ZCCHC7: variants seen among roughly 807,000 people sequenced by gnomAD.
ZCCHC7 encodes the protein zinc finger CCHC domain-containing protein 7.
Under a neutral mutation model 52.0 loss-of-function variants are expected in ZCCHC7, and 35 were observed. The ratio of observed to expected loss-of-function variants is 0.67; its 90% CI spans 0.51 to 0.89. ZCCHC7 has a LOEUF of 0.89. Among genes scored for constraint, ZCCHC7 ranks in the 40% least tolerant of loss-of-function variants. ZCCHC7 has a pLI of 0.00. For missense variants in ZCCHC7, 574 were observed against 649.1 expected, an observed-to-expected ratio of 0.88 and a Z score of 1.26; for synonymous variants, 217 against 221.5, an observed-to-expected ratio of 0.98 and a Z score of 0.18.
chr9:37,230,343 TAAA>T (rs1345205707), intron 2 of ZCCHC7, among the ~76,000 whole-genome samples: 4 of 152,194 alleles, frequency 2.6e-5, no homozygotes, highest in Non-Finnish European at 5.9e-5. Context: ...AATGCATTGT[TAAA>T]ACATAACAGT....
At chr9:37,142,611 A>G (rs1289745685) in intron 2 of ZCCHC7, among the ~76,000 whole-genome samples, 1 of 151,838 alleles carries the variant, frequency 6.6e-6, no homozygotes, top group Non-Finnish European at 1.5e-5. Context: ...AACTAAGAAG[A>G]AAATGTATCC....
intron 2 of ZCCHC7, among the ~76,000 whole-genome samples, chr9:37,261,032 G>C (rs895574672): frequency 2.6e-5 from 4 of 152,022 alleles, no homozygotes; most frequent in Non-Finnish European, 4.4e-5. Flanking sequence ...TTATTATTTA[G>C]CTCTCACCAC....
intron 6 of ZCCHC7, among the ~76,000 whole-genome samples, chr9:37,336,904 C>T (rs555762035): frequency 6.6e-6 from 1 of 152,124 alleles, no homozygotes; most frequent in East Asian, 1.9e-4. Flanking sequence ...CTTTGTAAAC[C>T]AAGCCATTTG....
chr9:37,222,433 G>T (rs1824875981), intron 2 of ZCCHC7, among the ~76,000 whole-genome samples: 1 of 150,592 alleles, frequency 6.6e-6, no homozygotes, highest in South Asian at 2.1e-4. Flanking sequence ...TTTAATTTGG[G>T]GAAAGGATGG....
intron 2 of ZCCHC7, among the ~76,000 whole-genome samples, chr9:37,145,241 C>T (rs1017473159): frequency 2.0e-5 from 3 of 151,588 alleles, no homozygotes; most frequent in African/African-American, 7.3e-5. Context: ...ATATGTAGAC[C>T]TTGATTAAAA....
intron 6 of ZCCHC7, among the ~76,000 whole-genome samples, chr9:37,335,183 A>G (rs1218220380): frequency 6.6e-6 from 1 of 152,144 alleles, no homozygotes; most frequent in Admixed American, 6.6e-5. Context: ...TTTATACAAT[A>G]TCAATTTTGT....
At chr9:37,319,963 T>C (rs1829986235) in intron 5 of ZCCHC7, among the ~76,000 whole-genome samples, 2 of 152,256 alleles carry the variant, frequency 1.3e-5, no homozygotes, top group Non-Finnish European at 2.9e-5. Context: ...TTGATTCCTG[T>C]GCTCTATTTT....
intron 2 of ZCCHC7, among the ~76,000 whole-genome samples, chr9:37,138,165 A>G (rs1700011299): frequency 6.6e-6 from 1 of 152,160 alleles, no homozygotes; most frequent in African/African-American, 2.4e-5. Flanking sequence ...TTAATTTCTA[A>G]TTAGCATAAT....
At chr9:37,181,426 T>G (rs1822347275) in intron 2 of ZCCHC7, among the ~76,000 whole-genome samples, 1 of 152,254 alleles carries the variant, frequency 6.6e-6, no homozygotes, top group African/African-American at 2.4e-5. Flanking sequence ...TGAGAACATT[T>G]ATAGCAGCAT....
chr9:37,262,232 T>C (rs925690314), intron 2 of ZCCHC7, among the ~76,000 whole-genome samples: 7 of 151,274 alleles, frequency 4.6e-5, no homozygotes, highest in Non-Finnish European at 7.4e-5. Context: ...TTTTTTTTGG[T>C]AAAGAGATTT....
At position 37,128,245 on chromosome 9, in the gene ZCCHC7, G is replaced by A. The variant is rs185616683; in HGVS notation, c.610+1303G>A. 1.6e-3 allele frequency among the ~76,000 whole-genome samples: 243 copies of A among 152,290 alleles called. 1 individual carries two copies. The highest frequency in any genetic ancestry group is 5.6e-3 in the African/African-American group (233 of 41,570). ...AAAAGGAAGAGAGACACTAGTAATT[G>A]CTAAATCATCAAATATTTGTAGAGG... On this transcript the variant is annotated intron_variant, in intron 2 of 8. Coordinates refer to ENST00000336755, the MANE Select transcript of ZCCHC7 (RefSeq NM_032226.3).
At chr9:37,150,958 G>GT (rs1388594459) in intron 2 of ZCCHC7, among the ~76,000 whole-genome samples, 8 of 145,008 alleles carry the variant, frequency 5.5e-5, no homozygotes, top group African/African-American at 1.3e-4. Flanking sequence ...TTTCTGTGGG[G>GT]TTTTTTTGTT....
intron 2 of ZCCHC7, among the ~76,000 whole-genome samples, chr9:37,147,125 A>G (rs1588377093): frequency 6.6e-6 from 1 of 152,070 alleles, no homozygotes; most frequent in East Asian, 1.9e-4. Context: ...GTTGTAAACA[A>G]TTGAATTATA....
At chr9:37,284,687 C>T (rs1194781900) in intron 2 of ZCCHC7, among the ~76,000 whole-genome samples, 2 of 152,144 alleles carry the variant, frequency 1.3e-5, no homozygotes, top group Non-Finnish European at 2.9e-5. Flanking sequence ...ATAAGGGAAA[C>T]TGCTTTAAAT....
chr9:37,127,434 T>G (rs1238741178), intron 2 of ZCCHC7, among the ~76,000 whole-genome samples: 1 of 152,154 alleles, frequency 6.6e-6, no homozygotes, highest in Non-Finnish European at 1.5e-5. Context: ...TTTTAGGTAC[T>G]CCACAGTCAG....
intron 2 of ZCCHC7, among the ~76,000 whole-genome samples, chr9:37,144,409 A>G (rs548503896): frequency 6.6e-6 from 1 of 152,064 alleles, no homozygotes; most frequent in South Asian, 2.1e-4. Context: ...CTAACATCAT[A>G]TGTTATTTGT....
chr9:37,340,156 C>A (rs1254242862), intron 6 of ZCCHC7, among the ~76,000 whole-genome samples: 2 of 152,068 alleles, frequency 1.3e-5, no homozygotes, highest in East Asian at 3.8e-4. Context: ...AGAAGAAAAT[C>A]ATTTGTAATC....
At chr9:37,300,893 A>G (rs1166296570) in intron 2 of ZCCHC7, among the ~76,000 whole-genome samples, 1 of 152,198 alleles carries the variant, frequency 6.6e-6, no homozygotes, top group Non-Finnish European at 1.5e-5. Flanking sequence ...AAGAAAAGAA[A>G]ATAGCTGATA....
chr9:37,171,850 A>T (rs964828023), intron 2 of ZCCHC7, among the ~76,000 whole-genome samples: 14 of 152,312 alleles, frequency 9.2e-5, no homozygotes, highest in Admixed American at 9.2e-4. Context: ...AATATTGCTT[A>T]TATTTGAGTA....
Sources: gnomAD v4.1 joint callset for allele counts (sites outside exome capture counted in the v4.1 genomes callset) on GRCh38, gnomAD v4.1.1 for gene constraint, MANE v1.5 for transcripts, NCBI Gene and HGNC (gene_info 2026-07-23, HGNC 2026-07-21) for gene names.